The following GAB2 variants were observed in gnomAD, a reference collection of about 807,000 sequenced individuals.
GAB2 encodes the protein GRB2 associated binding protein 2, also known as GRB2-associated-binding protein 2.
GAB2 carries 26 observed loss-of-function variants against 65.5 expected under a neutral mutation model. That is an observed-to-expected ratio of 0.40 (90% CI 0.29 to 0.55). The LOEUF (loss-of-function observed/expected upper bound fraction) is 0.55. GAB2 is among the 20% of genes least tolerant of loss of function. The pLI, the probability that GAB2 is intolerant of heterozygous loss-of-function variation, is 0.53. For missense variants in GAB2, 884 were observed against 875.8 expected (o/e 1.01, Z -0.12); for synonymous variants, 321 against 329.6 (o/e 0.97, Z 0.28).
chr11:78,248,303 C>G (rs1865352397), intron 3 of GAB2, among the ~76,000 whole-genome samples: 1 of 152,096 alleles, frequency 6.6e-6, no homozygotes, highest in Non-Finnish European at 1.5e-5. Context: ...TTCTCTGATG[C>G]GTCAGCAGGA....
At chr11:78,247,768 A>G (rs1865338153) in intron 3 of GAB2, among the ~76,000 whole-genome samples, 1 of 152,202 alleles carries the variant, frequency 6.6e-6, no homozygotes, top group Non-Finnish European at 1.5e-5. Context: ...GAGCAACTCC[A>G]CTACTACAAG....
At position 78,219,214 on chromosome 11, in the gene GAB2, A is replaced by T. The variant is rs2134448413; in HGVS notation, c.*58T>A. On this transcript the variant is annotated 3_prime_UTR_variant, in exon 10 of 10. Transcript: ENST00000361507. ...GGAAGAACGGGAGAGGGGAGAGGGGAGATGGGAAGGGCCAGCTCTGGAGAT... is the reference window on the plus strand; with the variant it reads ...GGAAGAACGGGAGAGGGGAGAGGGGTGATGGGAAGGGCCAGCTCTGGAGAT... 6.6e-7 allele frequency: 1 copy of T among 1,522,240 alleles called. No homozygotes were observed. Among genetic ancestry groups the T allele is most frequent in the Non-Finnish European group, 9.0e-7 (1 of 1,105,676 alleles). The allele number at this position is 1,522,240 out of a possible 1,614,324, so 94.3% of individuals were successfully genotyped here.
intron 2 of GAB2, among the ~76,000 whole-genome samples, chr11:78,273,199 G>C (rs75425351): frequency 6.6e-6 from 1 of 152,254 alleles, no homozygotes; most frequent in African/African-American, 2.4e-5. Context: ...AGCTGTGAGA[G>C]AAGGGCCACC....
chr11:78,376,835 T>A (rs2134734157), intron 1 of GAB2, among the ~76,000 whole-genome samples: 1 of 152,232 alleles, frequency 6.6e-6, no homozygotes, highest in African/African-American at 2.4e-5. Flanking sequence ...GGGATATTTG[T>A]CCCCGCCCAA....
At chr11:78,254,466 C>T (rs1195046552) in intron 2 of GAB2, among the ~76,000 whole-genome samples, 1 of 152,158 alleles carries the variant, frequency 6.6e-6, no homozygotes, top group East Asian at 1.9e-4. Context: ...ACTCTACCAG[C>T]ACAAAGTCAT....
chr11:78,389,392 C>T (rs181049419), intron 1 of GAB2, among the ~76,000 whole-genome samples: 3 of 152,078 alleles, frequency 2.0e-5, no homozygotes, highest in East Asian at 3.9e-4. Context: ...CTGCAACCTC[C>T]GCCTCCCGGG....
intron 1 of GAB2, among the ~76,000 whole-genome samples, chr11:78,410,888 C>G (rs1379607495): frequency 6.6e-6 from 1 of 152,156 alleles, no homozygotes; most frequent in Non-Finnish European, 1.5e-5. Flanking sequence ...GTGGTTCACA[C>G]CTATAATCGC....
intron 1 of GAB2, among the ~76,000 whole-genome samples, chr11:78,302,708 C>T (rs943706053): frequency 6.6e-6 from 1 of 152,100 alleles, no homozygotes; most frequent in Non-Finnish European, 1.5e-5. Flanking sequence ...AGCCATTATA[C>T]AAAAAAGATA....
At chr11:78,250,053 G>A (rs1260095824) in intron 3 of GAB2, 104 bp downstream of exon 3, 4 of 1,220,814 alleles carry the variant, frequency 3.3e-6, no homozygotes, top group Non-Finnish European at 4.7e-6. Flanking sequence ...TTGTCTACCT[G>A]AAACGATATA....
At chr11:78,346,472 G>A (rs1156446016) in intron 1 of GAB2, among the ~76,000 whole-genome samples, 6 of 151,780 alleles carry the variant, frequency 4.0e-5, no homozygotes, top group African/African-American at 1.2e-4. Flanking sequence ...ACTTCATAGA[G>A]ACTGGGTGAT....
rs114269891 is a variant in GAB2 at position 78,296,347 on chromosome 11, T to C, written c.76-15446A>G. ...GGTCAATACATAACCTCGTTTTATA[T>C]GTGTTTCTGTTTAAAGACACCTTAT... On this transcript the variant is annotated intron_variant, in intron 1 of 9. Transcript: ENST00000361507. 8.7e-3 allele frequency among the ~76,000 whole-genome samples: 1,322 copies of C among 152,376 alleles called. 20 individuals are homozygous for C. The highest frequency in any genetic ancestry group is 0.03 in the African/African-American group (1,255 of 41,578).
chr11:78,276,849 G>A (rs1330893865), intron 2 of GAB2, among the ~76,000 whole-genome samples: 5 of 151,884 alleles, frequency 3.3e-5, no homozygotes, highest in Non-Finnish European at 7.4e-5. Flanking sequence ...ACGAAGTCTC[G>A]TTCTGTCGCC....
At chr11:78,349,688 A>T (rs1856245499) in intron 1 of GAB2, among the ~76,000 whole-genome samples, 1 of 152,138 alleles carries the variant, frequency 6.6e-6, no homozygotes, top group African/African-American at 2.4e-5. Context: ...TCTTTTAAAA[A>T]ATTTTTTTTA....
intron 1 of GAB2, among the ~76,000 whole-genome samples, chr11:78,410,048 G>A (rs1241919964): frequency 6.6e-6 from 1 of 151,710 alleles, no homozygotes; most frequent in East Asian, 1.9e-4. Context: ...AAAGTCTCAA[G>A]GAAAGTAAAA....
chr11:78,228,237 G>C (rs1439293000), intron 3 of GAB2, among the ~76,000 whole-genome samples: 1 of 152,204 alleles, frequency 6.6e-6, no homozygotes, highest in Non-Finnish European at 1.5e-5. Flanking sequence ...CTCTGTAAGT[G>C]CTTTGGGAAA....
At position 78,280,751 on chromosome 11, in the gene GAB2, T is replaced by C. The variant is rs34267367; in HGVS notation, c.226A>G (p.Asn76Asp). 7.4e-6 allele frequency: 12 copies of C among 1,614,072 alleles called. No homozygotes were observed. The African/African-American group carries it at 1.6e-4, about 22-fold the overall frequency. ...CEQVDAGLTF[N>D]KKELQDSFVF... ...AAACTATCCTGCAGCTCCTTCTTGT[T>C]AAAGGTCAGGCCTGCATCTACCTGC... is the stretch of plus-strand genomic sequence containing the variant. Residue 76 changes from asparagine to aspartate, a missense_variant, in exon 2 of 10, where the codon AAC (asparagine) becomes GAC (aspartate). Transcript: ENST00000361507.
intron 1 of GAB2, among the ~76,000 whole-genome samples, chr11:78,309,971 T>TGTGTGTGTGTGTGTGTGCACGC (rs1421836447): frequency 5.2e-4 from 62 of 120,184 alleles, no homozygotes; most frequent in African/African-American, 2.1e-3. Context: ...TGTGTGTGTG[T>TGTGTGTGTGTGTGTGTGCACGC]GCGCGCGCGC....
At chr11:78,369,491 G>A (rs568437241) in intron 1 of GAB2, among the ~76,000 whole-genome samples, 1 of 152,318 alleles carries the variant, frequency 6.6e-6, no homozygotes, top group East Asian at 1.9e-4. Flanking sequence ...CCCTTATACA[G>A]TGTTTTGTGT....
intron 1 of GAB2, among the ~76,000 whole-genome samples, chr11:78,323,775 A>AC (rs1855770357): frequency 1.5e-5 from 2 of 129,056 alleles, no homozygotes; most frequent in Non-Finnish European, 3.2e-5. Flanking sequence ...CTACACGTGT[A>AC]CCCCCTGAAT....
Sources: gnomAD v4.1 joint callset for allele counts (sites outside exome capture counted in the v4.1 genomes callset) on GRCh38, gnomAD v4.1.1 for gene constraint, MANE v1.5 for transcripts, NCBI Gene and HGNC (gene_info 2026-07-23, HGNC 2026-07-21) for gene names.